Variants in UGT1A10 observed in about 807,000 individuals in gnomAD.
The protein encoded by UGT1A10 is UDP glucuronosyltransferase family 1 member A10.
Under a neutral mutation model 45.8 loss-of-function variants are expected in UGT1A10, and 49 were observed. The ratio of observed to expected loss-of-function variants is 1.07; its 90% CI spans 0.85 to 1.36. UGT1A10 has a LOEUF of 1.36. Among genes scored for constraint, UGT1A10 ranks in the 40% most tolerant of loss-of-function variants. The probability of loss-of-function intolerance (pLI) is 0.00; values close to 1 mark genes in which losing one functional copy is unlikely to be tolerated. For synonymous variants in UGT1A10, 284 were observed against 249.7 expected (o/e 1.14, Z -1.29); for missense variants, 745 against 668.6 (o/e 1.11, Z -1.26).
rs528717884 is a variant in UGT1A10, at chr2:233,673,447, A to G, written c.855+36070A>G. On this transcript the variant is annotated intron_variant, in intron 1 of 4. Coordinates refer to ENST00000344644, the MANE Select transcript of UGT1A10 (RefSeq NM_019075.4). ...AATAGGGCCGTGTAAACACTCTTTA[A>G]TACTTTCCTTACATGAATATATTTC... is the stretch of plus-strand genomic sequence containing the variant. Among the ~76,000 whole-genome samples, 114 of 152,266 alleles carry G rather than the reference A, an allele frequency of 7.5e-4. 1 individual carries two copies. Among genetic ancestry groups the G allele is most frequent in the African/African-American group, 2.5e-3 (103 of 41,564 alleles).
intron 1 of UGT1A10, among the ~76,000 whole-genome samples, chr2:233,637,898 A>G (rs970553659): frequency 1.3e-5 from 2 of 152,162 alleles, no homozygotes; most frequent in African/African-American, 4.8e-5. Context: ...GACAGATTTG[A>G]CAAGTTCTTT....
chr2:233,709,261 T>G (rs1161769974), intron 1 of UGT1A10, among the ~76,000 whole-genome samples: 1 of 152,190 alleles, frequency 6.6e-6, no homozygotes, highest in Non-Finnish European at 1.5e-5. Flanking sequence ...GGAAATAACT[T>G]GTCCACGCTG....
At chr2:233,735,658 T>C (rs948195085) in intron 1 of UGT1A10, among the ~76,000 whole-genome samples, 2 of 152,230 alleles carry the variant, frequency 1.3e-5, no homozygotes, top group African/African-American at 2.4e-5. Flanking sequence ...CTGGTGTTTC[T>C]TTCCATGTTT....
chr2:233,693,146 GT>G, intron 1 of UGT1A10: 1 of 1,614,204 alleles, frequency 6.2e-7, no homozygotes, highest in Non-Finnish European at 8.5e-7. Context: ...TATAGTTGAG[GT>G]TCTCAGTGAC....
chr2:233,758,140 G>T (rs572849917), intron 1 of UGT1A10, among the ~76,000 whole-genome samples: 1 of 152,274 alleles, frequency 6.6e-6, no homozygotes, highest in East Asian at 1.9e-4. Context: ...GGCAGATGAG[G>T]GAATTAGCAA....
At chr2:233,735,775 C>G (rs2363116) in intron 1 of UGT1A10, among the ~76,000 whole-genome samples, 81,728 of 152,006 alleles carry the variant, frequency 0.54, 23,611 homozygotes, top group African/African-American at 0.76. Context: ...ATGAAGCTTA[C>G]TTTGGCTGCA....
chr2:233,749,951 T>C (rs566356604), intron 1 of UGT1A10, among the ~76,000 whole-genome samples: 1 of 151,998 alleles, frequency 6.6e-6, no homozygotes, highest in South Asian at 2.1e-4. Context: ...AATTACCGAG[T>C]CTTGGGTATG....
intron 1 of UGT1A10, among the ~76,000 whole-genome samples, chr2:233,733,221 G>T (rs531413389): frequency 2.6e-5 from 4 of 152,188 alleles, no homozygotes; most frequent in African/African-American, 2.4e-5. Flanking sequence ...GAGACAATGG[G>T]GTTTTCTAAA....
intron 1 of UGT1A10, chr2:233,760,236 A>ATC: frequency 8.2e-6 from 13 of 1,590,176 alleles, no homozygotes; most frequent in Non-Finnish European, 1.1e-5. Context: ...TTTTTGCCAT[A>ATC]TATATATATA....
intron 1 of UGT1A10, among the ~76,000 whole-genome samples, chr2:233,687,918 A>C (rs557548232): frequency 3.3e-5 from 5 of 152,284 alleles, no homozygotes; most frequent in African/African-American, 1.2e-4. Flanking sequence ...AAAATAAATA[A>C]ATCAATAAAT....
chr2:233,768,423 G>A lies in UGT1A10; in HGVS notation c.1279G>A (p.Val427Ile). The A allele has an allele frequency of 6.2e-7, 1 of 1,614,098 alleles. No homozygotes were observed. The highest frequency in any genetic ancestry group is 8.5e-7 in the Non-Finnish European group (1 of 1,180,004). The change falls in exon 4 of 5, where the codon GTC (valine) becomes ATC (isoleucine). Residue 427 changes from valine to isoleucine, a missense_variant. Coordinates refer to ENST00000344644, the MANE Select transcript of UGT1A10 (RefSeq NM_019075.4). ...AGATTTAGAAAATGCTCTAAAAGCA[G>A]TCATCAATGACAAAAGGTAAGAAAG... ...SEDLENALKAVINDKSYKENI... is the reference protein window; with the variant it reads ...SEDLENALKAIINDKSYKENI...
At chr2:233,715,057 T>C (rs1032772184) in intron 1 of UGT1A10, among the ~76,000 whole-genome samples, 2 of 152,140 alleles carry the variant, frequency 1.3e-5, no homozygotes. Flanking sequence ...TCTTTTTTTT[T>C]GTATTTTTTA....
intron 1 of UGT1A10, among the ~76,000 whole-genome samples, chr2:233,722,639 G>C (rs1429567836): frequency 2.0e-5 from 3 of 152,192 alleles, no homozygotes; most frequent in South Asian, 2.1e-4. Flanking sequence ...TTGAGGGCTC[G>C]AGTAAAAGAT....
intron 1 of UGT1A10, among the ~76,000 whole-genome samples, chr2:233,706,049 C>T (rs1298808195): frequency 6.6e-6 from 1 of 152,134 alleles, no homozygotes; most frequent in Admixed American, 6.5e-5. Context: ...GAGCCGAGAT[C>T]ACGCCACTGC....
rs750401894 is a variant in UGT1A10, at chr2:233,768,320, T to G, written c.1176T>G (p.Gly392=). Residue 392 remains glycine, a synonymous_variant, in exon 4 of 5, where the codon GGT becomes GGG. Transcript: ENST00000344644. ...CCATGGTGATGATGCCCTTGTTTGG[T>G]GATCAGATGGACAATGCAAAGCGCA... ...GVPMVMMPLF[G]DQMDNAKRME... The G allele has an allele frequency of 2.5e-6, 4 of 1,614,162 alleles. No homozygotes were observed. The Admixed American group carries it at 6.7e-5, about 27-fold the overall frequency.
At chr2:233,672,115 G>C in intron 1 of UGT1A10, 1 of 1,614,188 alleles carries the variant, frequency 6.2e-7, no homozygotes, top group Non-Finnish European at 8.5e-7. Context: ...AGTCATGCCA[G>C]AGGTGAGTTG....
Position 233,672,838 on chromosome 2 carries a change from T to C in UGT1A10, c.855+35461T>C. Reference sequence around the variant, plus strand: ...CTTAAGAATACTTCACCTTTGGAAATTAAAAAAGGATTCTTTACTGAACTG... The same window carrying C: ...CTTAAGAATACTTCACCTTTGGAAACTAAAAAAGGATTCTTTACTGAACTG... On this transcript the variant is annotated intron_variant, in intron 1 of 4. Transcript: ENST00000344644. 3 of 1,554,242 alleles carry C rather than the reference T, an allele frequency of 1.9e-6. No homozygotes were observed. The South Asian group carries it at 3.7e-5, about 19-fold the overall frequency.
chr2:233,682,923 G>A, intron 1 of UGT1A10: 4 of 1,471,882 alleles, frequency 2.7e-6, no homozygotes, highest in Non-Finnish European at 3.6e-6. Flanking sequence ...GAATTCTTTT[G>A]TACCAATTCA....
chr2:233,652,774 A>T (rs570538029), intron 1 of UGT1A10, among the ~76,000 whole-genome samples: 3 of 152,342 alleles, frequency 2.0e-5, no homozygotes, highest in East Asian at 3.9e-4. Flanking sequence ...CCACATGCAA[A>T]AGAATGAAGA....
Sources: allele counts gnomAD v4.1 joint callset (sites outside exome capture counted in the v4.1 genomes callset), GRCh38; gene constraint gnomAD v4.1.1; transcripts MANE v1.5; gene names NCBI Gene and HGNC (gene_info 2026-07-23, HGNC 2026-07-21).